CDKL5: variants seen among roughly 807,000 people sequenced by gnomAD.
CDKL5 encodes the protein cyclin dependent kinase like 5, also known as cyclin-dependent kinase-like 5.
Under a neutral mutation model 61.7 loss-of-function variants are expected in CDKL5, and 8 were observed. The ratio of observed to expected loss-of-function variants is 0.13; its 90% CI spans 0.08 to 0.23. The LOEUF (loss-of-function observed/expected upper bound fraction) is 0.23. Ranked by LOEUF, CDKL5 falls within the 10% of genes least tolerant of loss-of-function variation. The probability of loss-of-function intolerance (pLI) is 1.00; values close to 1 mark genes in which losing one functional copy is unlikely to be tolerated. For synonymous variants in CDKL5, 275 were observed against 272.3 expected, an observed-to-expected ratio of 1.01 and a Z score of -0.10; for missense variants, 440 against 734.5, an observed-to-expected ratio of 0.60 and a Z score of 4.63.
chrX:18,586,920 C>G (rs1040815857), intron 8 of CDKL5, among the ~76,000 whole-genome samples: 1 of 111,454 alleles, frequency 9.0e-6, no homozygotes, highest in Non-Finnish European at 1.9e-5. Context: ...TTGTGTAGTT[C>G]TTAGGTTGAT....
At chrX:18,562,984 A>G (rs1473302954) in intron 3 of CDKL5, among the ~76,000 whole-genome samples, 1 of 112,347 alleles carries the variant, frequency 8.9e-6, no homozygotes. Context: ...ATCAGTGGAC[A>G]GTTTTGAACT....
intron 21 of CDKL5, chrX:18,650,625 C>G: frequency 8.3e-7 from 1 of 1,199,171 alleles, no homozygotes. Context: ...TGGGGCTCAG[C>G]CTGGGCTGTA....
chrX:18,557,074 T>G (rs1394515608), intron 3 of CDKL5, among the ~76,000 whole-genome samples: 2 of 110,642 alleles, frequency 1.8e-5, no homozygotes. Flanking sequence ...TCCCTGCTAT[T>G]TGGATGATGA....
chrX:18,627,499 A>G (rs764287353), intron 17 of CDKL5: 8 of 110,953 alleles, frequency 7.2e-5, no homozygotes, highest in Non-Finnish European at 1.5e-4. Context: ...GGAAGAGGAG[A>G]TTGAGCCATC....
intron 17 of CDKL5, chrX:18,626,714 CTCTCTCT>C (rs1927063686): frequency 2.0e-5 from 1 of 50,152 alleles, no homozygotes; most frequent in Non-Finnish European, 3.5e-5. Flanking sequence ...CTCTCTCTCT[CTCTCTCT>C]CTCCCCCCTC....
chrX:18,465,852 TTTTG>T (rs1932389858), intron 1 of CDKL5, among the ~76,000 whole-genome samples: 1 of 111,763 alleles, frequency 8.9e-6, no homozygotes. Context: ...TAAAAGTATT[TTTTG>T]TTTGTTTAAT....
intron 11 of CDKL5, among the ~76,000 whole-genome samples, chrX:18,601,270 C>T (rs1333127653): frequency 1.8e-5 from 2 of 112,141 alleles, no homozygotes; most frequent in African/African-American, 6.5e-5. Context: ...AATGGTGCAT[C>T]AGCTGCCCCA....
intron 5 of CDKL5, 67 bp downstream of exon 5, chrX:18,575,557 T>C (rs986942902): frequency 7.0e-6 from 7 of 1,002,511 alleles, no homozygotes; most frequent in Non-Finnish European, 9.9e-6. Flanking sequence ...TCTGACATTA[T>C]TTAAGAAAGT....
chrX:18,527,623 C>G (rs1192377608), intron 3 of CDKL5, among the ~76,000 whole-genome samples: 2 of 109,665 alleles, frequency 1.8e-5, no homozygotes, highest in Non-Finnish European at 3.8e-5. Context: ...TTTTTTTTCT[C>G]TTGGTTAATT....
chrX:18,568,585 C>T (rs1457877296), intron 4 of CDKL5, among the ~76,000 whole-genome samples: 1 of 112,114 alleles, frequency 8.9e-6, no homozygotes, highest in Non-Finnish European at 1.9e-5. Context: ...TAGGCTAGGC[C>T]AATGAATAGC....
intron 1 of CDKL5, among the ~76,000 whole-genome samples, chrX:18,454,602 G>T (rs1226267818): frequency 9.1e-6 from 1 of 110,230 alleles, no homozygotes; most frequent in Non-Finnish European, 1.9e-5. Flanking sequence ...TGTCTCCCAG[G>T]CTGGAGCGCA....
chrX:18,506,511 T>C (rs1922584261), intron 1 of CDKL5, among the ~76,000 whole-genome samples: 1 of 112,522 alleles, frequency 8.9e-6, no homozygotes, highest in South Asian at 3.6e-4. Context: ...GAAACCAAGG[T>C]CAGTATATTC....
intron 4 of CDKL5, among the ~76,000 whole-genome samples, chrX:18,567,922 C>T (rs193052630): frequency 8.5e-4 from 95 of 111,771 alleles, no homozygotes; most frequent in African/African-American, 3.1e-3. Flanking sequence ...TACCACACAT[C>T]ATAGCTTTAG....
At chrX:18,436,673 G>T in intron 1 of CDKL5, among the ~76,000 whole-genome samples, 2 of 109,921 alleles carry the variant, frequency 1.8e-5, no homozygotes, top group Non-Finnish European at 3.8e-5. Flanking sequence ...GCTGAGGCAG[G>T]CAGATCACTT....
In CDKL5 at chrX:18,555,369, A is replaced by T. The variant is rs149900038; in HGVS notation, c.100-9108A>T. ...TTTGAAAAAAGATACATGCAATAGC[A>T]TATGCTAGTTACATGATTTTTAGTG... is the stretch of plus-strand genomic sequence containing the variant. On this transcript the variant is annotated intron_variant, in intron 3 of 17. Transcript: ENST00000623535. Among the ~76,000 whole-genome samples, 650 of 112,461 alleles carry T rather than the reference A, an allele frequency of 5.8e-3. 5 individuals carry two copies. Among genetic ancestry groups the T allele is most frequent in the African/African-American group, 0.02 (608 of 30,992 alleles).
intron 1 of CDKL5, among the ~76,000 whole-genome samples, chrX:18,474,043 AT>A (rs1471691847): frequency 9.2e-6 from 1 of 108,726 alleles, no homozygotes; most frequent in East Asian, 2.9e-4. Context: ...TAATTTTTGT[AT>A]TTTTGGTAGA....
chrX:18,449,373 G>T (rs1247056584), intron 1 of CDKL5, among the ~76,000 whole-genome samples: 1 of 112,433 alleles, frequency 8.9e-6, no homozygotes, highest in Non-Finnish European at 1.9e-5. Flanking sequence ...TCAGTGCCCT[G>T]TCTTCGTGGG....
chrX:18,644,573 G>A (rs1927703033), downstream of CDKL5: 2 of 1,211,600 alleles, frequency 1.7e-6, no homozygotes, highest in East Asian at 5.9e-5. Context: ...ATCTCCTTCA[G>A]ATCTATCTGT....
At chrX:18,559,275 C>T (rs926771181) in intron 3 of CDKL5, among the ~76,000 whole-genome samples, 1 of 111,803 alleles carries the variant, frequency 8.9e-6, no homozygotes, top group African/African-American at 3.3e-5. Context: ...GTGGCGTGGT[C>T]TCGGCTCACT....
Sources: gnomAD v4.1 joint callset for allele counts (sites outside exome capture counted in the v4.1 genomes callset) on GRCh38, gnomAD v4.1.1 for gene constraint, MANE v1.5 for transcripts, NCBI Gene and HGNC (gene_info 2026-07-23, HGNC 2026-07-21) for gene names.